The following MTURN variants were observed in gnomAD, a reference collection of about 807,000 sequenced individuals.
MTURN encodes the protein maturin, neural progenitor differentiation regulator homolog.
MTURN carries 7 observed loss-of-function variants against 14.9 expected under a neutral mutation model. The ratio of observed to expected loss-of-function variants is 0.47; its 90% CI spans 0.27 to 0.88. MTURN has a LOEUF of 0.88. MTURN is among the 40% of genes least tolerant of loss of function. The pLI is 0.14. For missense variants in MTURN, 151 were observed against 174.1 expected, an observed-to-expected ratio of 0.87 and a Z score of 0.75; for synonymous variants, 69 against 72.5, an observed-to-expected ratio of 0.95 and a Z score of 0.25.
chr7:30,142,878 G>T (rs765306679), intron 1 of MTURN, among the ~76,000 whole-genome samples: 1 of 152,208 alleles, frequency 6.6e-6, no homozygotes, highest in Non-Finnish European at 1.5e-5. Flanking sequence ...ATTGTTCAGC[G>T]CTAGAGGTTC....
At chr7:30,140,131 A>G (rs1393852740) in intron 1 of MTURN, among the ~76,000 whole-genome samples, 3 of 152,146 alleles carry the variant, frequency 2.0e-5, no homozygotes, top group African/African-American at 7.2e-5. Flanking sequence ...GTCTTAGGCC[A>G]CGAGAAATGA....
chr7:30,143,697 T>C (rs146564663), intron 1 of MTURN, among the ~76,000 whole-genome samples: 21 of 152,320 alleles, frequency 1.4e-4, no homozygotes, highest in African/African-American at 2.9e-4. Flanking sequence ...TTCGTGGGTA[T>C]TAAGTCTTCC....
intron 2 of MTURN, among the ~76,000 whole-genome samples, chr7:30,149,047 C>A (rs1348334732): frequency 6.6e-6 from 1 of 152,172 alleles, no homozygotes; most frequent in African/African-American, 2.4e-5. Context: ...CCCTGCAGAA[C>A]TGGCTCACCT....
chr7:30,151,177 A>AT (rs1797205926), intron 2 of MTURN, among the ~76,000 whole-genome samples: 1 of 152,040 alleles, frequency 6.6e-6, no homozygotes, highest in Non-Finnish European at 1.5e-5. Flanking sequence ...ATTTTTACCT[A>AT]TTTTTTCTTG....
intron 2 of MTURN, among the ~76,000 whole-genome samples, chr7:30,153,871 C>G (rs1455383518): frequency 6.6e-6 from 1 of 152,190 alleles, no homozygotes; most frequent in Non-Finnish European, 1.5e-5. Flanking sequence ...GCACACGCCA[C>G]CATGCCCAGC....
At chr7:30,139,647 G>A (rs1276154952) in intron 1 of MTURN, among the ~76,000 whole-genome samples, 8 of 152,322 alleles carry the variant, frequency 5.3e-5, no homozygotes, top group Non-Finnish European at 8.8e-5. Context: ...TGAGACCAGA[G>A]GCCTGTCCTC....
intron 2 of MTURN, among the ~76,000 whole-genome samples, chr7:30,156,196 CCAGTGCTTT>C (rs1797285286): frequency 6.6e-6 from 1 of 152,056 alleles, no homozygotes; most frequent in Non-Finnish European, 1.5e-5. Context: ...CAAAGACCAG[CCAGTGCTTT>C]AAAAAACGAT....
At position 30,135,128 on chromosome 7, in the gene MTURN, G is replaced by T. The variant is rs554565589; in HGVS notation, c.-9G>T. On this transcript the variant is annotated 5_prime_UTR_variant, in exon 1 of 3. Coordinates refer to ENST00000324453, the MANE Select transcript of MTURN (RefSeq NM_152793.3). Reference sequence around the variant, plus strand: ...GCGGGCGGCGGCGGGAGGCGGGCGCGGGGCCGCGATGGATTTCCAGCAGCT... The same window carrying T: ...GCGGGCGGCGGCGGGAGGCGGGCGCTGGGCCGCGATGGATTTCCAGCAGCT... 3 of 1,434,800 alleles carry T rather than the reference G, an allele frequency of 2.1e-6. No homozygotes were observed. The highest frequency in any genetic ancestry group is 2.8e-6 in the Non-Finnish European group (3 of 1,083,476). The allele number at this position is 1,434,800 out of a possible 1,614,324, so 88.9% of individuals were successfully genotyped here.
rs949922206 is a variant in MTURN at position 30,161,487 on chromosome 7, A to C, written c.*3939A>C. 6.6e-6 allele frequency: 1 copy of C among 152,246 alleles called. No homozygotes were observed. The highest frequency in any genetic ancestry group is 1.5e-5 in the Non-Finnish European group (1 of 68,072). The allele number at this position is 152,246 out of a possible 1,614,324, so 9.4% of individuals were successfully genotyped here. A position where few individuals can be genotyped will look rare whatever the true frequency, so the allele number is the denominator to read the frequency against. On this transcript the variant is annotated 3_prime_UTR_variant, in exon 3 of 3. Coordinates refer to ENST00000324453, the MANE Select transcript of MTURN (RefSeq NM_152793.3). ...TAGGGCTCTTTCCTTCAGTAAAACC[A>C]GCTGCCAGCCTGAGAAGCCTGTCTT... is the stretch of plus-strand genomic sequence containing the variant.
intron 2 of MTURN, among the ~76,000 whole-genome samples, chr7:30,154,203 C>A (rs1418691790): frequency 6.6e-6 from 1 of 152,162 alleles, no homozygotes; most frequent in African/African-American, 2.4e-5. Flanking sequence ...ACAGAAGAAC[C>A]ACGTGGTCCC....
intron 2 of MTURN, among the ~76,000 whole-genome samples, chr7:30,154,321 A>G (rs939217236): frequency 1.3e-5 from 2 of 152,120 alleles, no homozygotes; most frequent in Admixed American, 6.5e-5. Flanking sequence ...GGCAACATTC[A>G]TTTAACCCAG....
chr7:30,137,667 C>T (rs201689821), intron 1 of MTURN: 100 of 471,044 alleles, frequency 2.1e-4, no homozygotes, highest in Non-Finnish European at 4.1e-4. Context: ...TTTTCCTAGC[C>T]GGACCTCTTG....
Position 30,160,356 on chromosome 7 carries a change from G to A in MTURN, c.*2808G>A, listed in dbSNP as rs549396038. On this transcript the variant is annotated 3_prime_UTR_variant, in exon 3 of 3. Transcript: ENST00000324453. Reference sequence around the variant, plus strand: ...GAGGAAAGGGAAAGGTGAGGCCCCAGAGGACTTATCTCAGCTGTACATGCT... The same window carrying A: ...GAGGAAAGGGAAAGGTGAGGCCCCAAAGGACTTATCTCAGCTGTACATGCT... 20 of 152,340 alleles carry A rather than the reference G, an allele frequency of 1.3e-4. No homozygotes were observed. Among genetic ancestry groups the A allele is most frequent in the African/African-American group, 4.6e-4 (19 of 41,550 alleles). 9.4% of individuals were successfully genotyped at this position (152,340 alleles called of 1,614,324 possible). A position where few individuals can be genotyped will look rare whatever the true frequency, so the allele number is the denominator to read the frequency against.
At chr7:30,149,532 C>T (rs760121365) in intron 2 of MTURN, among the ~76,000 whole-genome samples, 9 of 152,120 alleles carry the variant, frequency 5.9e-5, no homozygotes, top group South Asian at 2.1e-4. Flanking sequence ...TGAGAGGGAG[C>T]GTCACAAACC....
intron 1 of MTURN, chr7:30,137,747 T>A: frequency 2.2e-6 from 1 of 452,414 alleles, no homozygotes; most frequent in Non-Finnish European, 4.6e-6. Flanking sequence ...AGTTCTTTTC[T>A]TTTTCCCTGG....
chr7:30,152,481 A>G (rs962054117), intron 2 of MTURN, among the ~76,000 whole-genome samples: 3 of 152,154 alleles, frequency 2.0e-5, no homozygotes, highest in African/African-American at 7.2e-5. Context: ...CCCACTTGAG[A>G]CCTGTTGAAT....
intron 1 of MTURN, chr7:30,141,339 C>A (rs867613288): frequency 6.7e-6 from 1 of 148,846 alleles, no homozygotes; most frequent in Admixed American, 6.8e-5. Context: ...CAATTGATCC[C>A]GGGAGGCAGA....
At position 30,153,709 on chromosome 7, in the gene MTURN, T is replaced by TTTTTA. The variant is rs548142079; in HGVS notation, c.286-3709_286-3705dup. On this transcript the variant is annotated intron_variant, in intron 2 of 2. Transcript: ENST00000324453. ...AGTGCATTTGCTGTGCCAAACCCCC[T>TTTTTA]TTTTATTTTATTTTATTTTATTTTT... Among the ~76,000 whole-genome samples the TTTTTA allele has an allele frequency of 8.0e-3, 1,213 of 152,174 alleles. 15 individuals carry two copies. Among genetic ancestry groups the TTTTTA allele is most frequent in the African/African-American group, 0.028 (1,148 of 41,462 alleles).
intron 2 of MTURN, 78 bp downstream of exon 2, chr7:30,146,377 G>C (rs554347590): frequency 6.3e-7 from 1 of 1,587,648 alleles, no homozygotes; most frequent in Non-Finnish European, 8.6e-7. Flanking sequence ...CGGTGGGGAA[G>C]GTGGGCAAAA....
Sources: allele counts gnomAD v4.1 joint callset (sites outside exome capture counted in the v4.1 genomes callset), GRCh38; gene constraint gnomAD v4.1.1; transcripts MANE v1.5; gene names NCBI Gene and HGNC (gene_info 2026-07-23, HGNC 2026-07-21).